The following PCDH15 variants were observed in gnomAD, a reference collection of about 807,000 sequenced individuals.
PCDH15 encodes protocadherin related 15, also known as protocadherin-15.
PCDH15 carries 129 observed loss-of-function variants against 178.5 expected under a neutral mutation model. The observed-to-expected ratio is 0.72, with a 90% CI of 0.63 to 0.84. PCDH15 has a LOEUF of 0.84. PCDH15 is among the 40% of genes least tolerant of loss of function. PCDH15 has a pLI of 0.00. For synonymous variants in PCDH15, 800 were observed against 732.0 expected, an observed-to-expected ratio of 1.09 and a Z score of -1.50; for missense variants, 2,230 against 2,099.9, an observed-to-expected ratio of 1.06 and a Z score of -1.21.
At chr10:54,608,102 G>A in intron 2 of PCDH15, 1 of 385,386 alleles carries the variant, frequency 2.6e-6, no homozygotes, top group South Asian at 1.9e-5. Context: ...GCCAAAAAGA[G>A]GACTAGGCAT....
chr10:54,515,702 G>GACCCC (rs1188578838), intron 3 of PCDH15, among the ~76,000 whole-genome samples: 10 of 152,278 alleles, frequency 6.6e-5, no homozygotes, highest in African/African-American at 2.4e-4. Flanking sequence ...TCCCTGACCT[G>GACCCC]CGAGCAGCCT....
At chr10:55,489,312 T>C (rs1034415706) in intron 2 of PCDH15, among the ~76,000 whole-genome samples, 1 of 151,620 alleles carries the variant, frequency 6.6e-6, no homozygotes, top group Non-Finnish European at 1.5e-5. Flanking sequence ...ATATAACAGG[T>C]TAGTCTTACC....
intron 2 of PCDH15, among the ~76,000 whole-genome samples, chr10:55,093,871 T>A (rs1197449265): frequency 6.6e-6 from 1 of 152,042 alleles, no homozygotes; most frequent in Non-Finnish European, 1.5e-5. Context: ...AGAATGGTGA[T>A]CATTAAAAAG....
chr10:55,346,243 A>G (rs1844750306), intron 2 of PCDH15, among the ~76,000 whole-genome samples: 1 of 152,178 alleles, frequency 6.6e-6, no homozygotes. Context: ...TCAAAGAAAA[A>G]TGAACAAATC....
Position 54,062,253 on chromosome 10 carries a change from C to CAAAAAAAAAAAAA in PCDH15, c.2220+4503_2220+4504insTTTTTTTTTTTTT, listed in dbSNP as rs769054605. Among the ~76,000 whole-genome samples, 9 of 75,842 alleles carry CAAAAAAAAAAAAA rather than the reference C, an allele frequency of 1.2e-4. 2 individuals carry two copies. The highest frequency in any genetic ancestry group is 4.8e-4 in the South Asian group (1 of 2,104). 49.8% of individuals were successfully genotyped at this position (75,842 alleles called of 152,430 possible). On this transcript the variant is annotated intron_variant, in intron 18 of 37. Transcript: ENST00000644397. ...AAAAAAAAAAAAAAAAAAAAAAAAA[C>CAAAAAAAAAAAAA]AAAAAACAACTAAATGAAAACTCCC...
chr10:55,071,523 A>G (rs368145613), intron 2 of PCDH15, among the ~76,000 whole-genome samples: 2 of 152,208 alleles, frequency 1.3e-5, no homozygotes, highest in African/African-American at 4.8e-5. Flanking sequence ...ATGGTAAAGG[A>G]ATCAATTCAA....
At chr10:55,077,398 TCTTCCTTC>T (rs58045517) in intron 2 of PCDH15, among the ~76,000 whole-genome samples, 9,780 of 137,520 alleles carry the variant, frequency 0.071, 471 homozygotes, top group East Asian at 0.24. Context: ...TGGTTTTCTC[TCTTCCTTC>T]CTTCCTTCCT....
chr10:55,384,267 CA>C (rs1356264873), intron 2 of PCDH15, among the ~76,000 whole-genome samples: 1 of 151,978 alleles, frequency 6.6e-6, no homozygotes, highest in Middle Eastern at 3.2e-3. Context: ...AAAAATTGTT[CA>C]CAAAGATTAA....
intron 2 of PCDH15, among the ~76,000 whole-genome samples, chr10:55,608,895 T>G (rs1843292239): frequency 6.6e-6 from 1 of 151,956 alleles, no homozygotes; most frequent in Non-Finnish European, 1.5e-5. Flanking sequence ...GGGGATCCTT[T>G]CCTGAGGAAG....
intron 2 of PCDH15, among the ~76,000 whole-genome samples, chr10:55,525,225 A>C (rs1225922909): frequency 6.6e-6 from 1 of 151,888 alleles, no homozygotes; most frequent in Admixed American, 6.6e-5. Flanking sequence ...TTTTTGTTAC[A>C]AAAATAAAAT....
rs569342773 is a variant in PCDH15 at position 55,589,427 on chromosome 10, C to G, written c.-156+38198G>C. On this transcript the variant is annotated intron_variant, in intron 2 of 5. Coordinates refer to the PCDH15 transcript ENST00000613346. ...CCATTGATCTTCATGTCTAAAACAC[C>G]AAAAGCAATGGCAACAAAAGCCAAA... is the stretch of plus-strand genomic sequence containing the variant. Among the ~76,000 whole-genome samples the G allele has an allele frequency of 3.3e-5, 5 of 151,986 alleles. No homozygotes were observed. The South Asian group carries it at 1.0e-3, about 32-fold the overall frequency.
chr10:55,028,505 T>C (rs550166594), intron 2 of PCDH15, among the ~76,000 whole-genome samples: 3 of 152,110 alleles, frequency 2.0e-5, no homozygotes, highest in African/African-American at 7.2e-5. Context: ...AATTTGGAAA[T>C]TCAATAACAT....
intron 15 of PCDH15, among the ~76,000 whole-genome samples, chr10:54,095,590 G>A (rs2094686413): frequency 6.6e-6 from 1 of 152,020 alleles, no homozygotes; most frequent in Admixed American, 6.6e-5. Context: ...ATATTGGTAT[G>A]GATTAATGAT....
intron 1 of PCDH15, among the ~76,000 whole-genome samples, chr10:55,253,384 A>T (rs1010157898): frequency 6.6e-6 from 1 of 152,108 alleles, no homozygotes; most frequent in Non-Finnish European, 1.5e-5. Context: ...GTCGTTTCTC[A>T]TATCTGTATA....
chr10:55,229,393 A>T (rs1221619837), intron 1 of PCDH15, among the ~76,000 whole-genome samples: 1 of 151,948 alleles, frequency 6.6e-6, no homozygotes, highest in Non-Finnish European at 1.5e-5. Flanking sequence ...CTTCACCAAG[A>T]AATGTGTACT....
At chr10:54,667,530 T>C (rs936176781) in intron 1 of PCDH15, among the ~76,000 whole-genome samples, 1 of 152,106 alleles carries the variant, frequency 6.6e-6, no homozygotes, top group African/African-American at 2.4e-5. Flanking sequence ...TGTTACTAGC[T>C]TTTTAATCTC....
chr10:55,482,091 G>A (rs192760102), intron 2 of PCDH15, among the ~76,000 whole-genome samples: 1 of 151,690 alleles, frequency 6.6e-6, no homozygotes, highest in Non-Finnish European at 1.5e-5. Context: ...AGGCCTTTTT[G>A]GCTTTTTTGA....
intron 3 of PCDH15, among the ~76,000 whole-genome samples, chr10:54,442,390 TAA>T (rs71461241): frequency 1.0e-3 from 27 of 26,610 alleles, no homozygotes; most frequent in African/African-American, 2.3e-3. Context: ...CCTTTTTTTT[TAA>T]AAAAAAAAAA....
chr10:54,498,747 G>A (rs1195712887), intron 3 of PCDH15, among the ~76,000 whole-genome samples: 1 of 152,108 alleles, frequency 6.6e-6, no homozygotes, highest in Admixed American at 6.6e-5. Context: ...TTAACTATCT[G>A]TAATAGTCTG....
Sources: gnomAD v4.1 joint callset for allele counts (sites outside exome capture counted in the v4.1 genomes callset) on GRCh38, gnomAD v4.1.1 for gene constraint, MANE v1.5 for transcripts, NCBI Gene and HGNC (gene_info 2026-07-23, HGNC 2026-07-21) for gene names.